LAMC1: variants seen among roughly 807,000 people sequenced by gnomAD.
LAMC1 encodes the protein laminin subunit gamma-1.
LAMC1 carries 38 observed loss-of-function variants against 173.6 expected under a neutral mutation model. The ratio of observed to expected loss-of-function variants is 0.22; its 90% CI spans 0.17 to 0.29. LAMC1 has a LOEUF of 0.29. Among genes scored for constraint, LAMC1 ranks in the 10% least tolerant of loss-of-function variants. The probability of loss-of-function intolerance (pLI) is 1.00; values close to 1 mark genes in which losing one functional copy is unlikely to be tolerated. For synonymous variants in LAMC1, 746 were observed against 749.1 expected (o/e 1.00, Z 0.07); for missense variants, 1,824 against 2,051.8 (o/e 0.89, Z 2.14).
intron 1 of LAMC1, among the ~76,000 whole-genome samples, chr1:183,051,024 C>T (rs1047082144): frequency 7.4e-6 from 1 of 135,286 alleles, no homozygotes; most frequent in African/African-American, 2.5e-5. Flanking sequence ...TACCTTTCCT[C>T]TTCTCCTTTC....
Position 183,117,678 on chromosome 1 carries a change from A to T in LAMC1, c.1832A>T (p.Gln611Leu). The T allele has an allele frequency of 6.8e-6, 11 of 1,614,242 alleles. No individual in the cohort carries two copies. The highest frequency in any genetic ancestry group is 9.3e-6 in the Non-Finnish European group (11 of 1,180,034). The change falls in exon 10 of 28, where the codon CAG becomes CTG. Residue 611 changes from glutamine to leucine, a missense_variant. Gln to Leu is a moderately radical substitution (Grantham distance 113). Transcript: ENST00000258341. ...AGAGTATCTGTACCCTTGATCGCTC[A>T]GGGCAATTCCTATCCAAGTGAGACC... ...GLRVSVPLIA[Q>L]GNSYPSETTV...
At chr1:183,042,122 C>T (rs985494367) in intron 1 of LAMC1, among the ~76,000 whole-genome samples, 2 of 152,084 alleles carry the variant, frequency 1.3e-5, no homozygotes, top group African/African-American at 4.8e-5. Context: ...TTTGTTTCTC[C>T]TTCAGGTGGT....
chr1:183,142,834 G>A lies in LAMC1; in HGVS notation c.*44G>A. The A allele has an allele frequency of 2.6e-6, 4 of 1,560,098 alleles. No homozygotes were observed. The highest frequency in any genetic ancestry group is 3.5e-6 in the Non-Finnish European group (4 of 1,154,326). On this transcript the variant is annotated 3_prime_UTR_variant, in exon 28 of 28. Transcript: ENST00000258341. ...GCAGCATCCCTCTGACAGGGGGGCAGTTGTGAGGCCACAGAGTGCCTTGAC... is the reference window on the plus strand; with the variant it reads ...GCAGCATCCCTCTGACAGGGGGGCAATTGTGAGGCCACAGAGTGCCTTGAC...
Position 183,076,833 on chromosome 1 carries a change from A to G in LAMC1, c.419-26495A>G, listed in dbSNP as rs74425134. Among the ~76,000 whole-genome samples the G allele has an allele frequency of 8.6e-3, 1,309 of 152,062 alleles. 9 individuals are homozygous for G. The highest frequency in any genetic ancestry group is 0.029 in the South Asian group (141 of 4,792). ...GTAGAAAATCACTGGCACTCAAAAC[A>G]TTTGTACACATGCAGAAGAAAAATC... On this transcript the variant is annotated intron_variant, in intron 1 of 27. Transcript: ENST00000258341.
At chr1:183,043,005 G>C (rs548052166) in intron 1 of LAMC1, among the ~76,000 whole-genome samples, 1 of 152,334 alleles carries the variant, frequency 6.6e-6, no homozygotes, top group East Asian at 1.9e-4. Flanking sequence ...TTTTAGGAAT[G>C]AGAGTTCCAG....
chr1:183,103,717 C>T, intron 2 of LAMC1, 85 bp downstream of exon 2: 10 of 1,233,402 alleles, frequency 8.1e-6, no homozygotes, highest in Middle Eastern at 2.6e-4. Context: ...GCTTGTGGTC[C>T]CACTTCTGAG....
chr1:183,145,141 C>A lies in LAMC1; in HGVS notation c.*2351C>A, dbSNP rs1229531463. The A allele has an allele frequency of 1.3e-5, 2 of 152,172 alleles. No homozygotes were observed. Among genetic ancestry groups the A allele is most frequent in the African/African-American group, 4.8e-5 (2 of 41,412 alleles). The allele number at this position is 152,172 out of a possible 1,614,324, so 9.4% of individuals were successfully genotyped here. A position where few individuals can be genotyped will look rare whatever the true frequency, so the allele number is the denominator to read the frequency against. ...AAGTTCACTCCAGCAAGTCTCAGGC[C>A]ACAATGGGGTGGTTTGGTTTGGTTT... is the stretch of plus-strand genomic sequence containing the variant. On this transcript the variant is annotated 3_prime_UTR_variant, in exon 28 of 28. Transcript: ENST00000258341.
At chr1:183,124,192 C>G (rs1384777606) in intron 13 of LAMC1, among the ~76,000 whole-genome samples, 1 of 152,216 alleles carries the variant, frequency 6.6e-6, no homozygotes, top group Admixed American at 6.5e-5. Flanking sequence ...ATGCCTCTTA[C>G]ATTTTAAGAG....
rs760848117 is a variant in LAMC1 at position 183,142,506 on chromosome 1, C to G, written c.4574-28C>G. The G allele has an allele frequency of 5.1e-6, 8 of 1,579,758 alleles. No homozygotes were observed. The African/African-American group carries it at 5.4e-5, about 11-fold the overall frequency. ...ATCATTCTTACTGAATATGTCTGTT[C>G]TCTTCTATGTACTTTCTGACCCTCC... On this transcript the variant is annotated intron_variant, in intron 27 of 27. Transcript: ENST00000258341.
chr1:183,111,097 C>CT (rs71297854), intron 4 of LAMC1, among the ~76,000 whole-genome samples: 53,587 of 144,750 alleles, frequency 0.37, 10,510 homozygotes, highest in Middle Eastern at 0.51. Flanking sequence ...TTTTTCTTTT[C>CT]TTTTTTTTTT....
chr1:183,055,721 A>G (rs1654572778), intron 1 of LAMC1, among the ~76,000 whole-genome samples: 1 of 152,234 alleles, frequency 6.6e-6, no homozygotes, highest in East Asian at 1.9e-4. Context: ...CTGAGGCAGG[A>G]TAATCGCTTG....
At chr1:183,030,630 A>C (rs1216115588) in intron 1 of LAMC1, among the ~76,000 whole-genome samples, 3 of 152,182 alleles carry the variant, frequency 2.0e-5, no homozygotes, top group African/African-American at 4.8e-5. Flanking sequence ...TATTTCTGTA[A>C]ATTTTTTAAA....
chr1:183,099,144 A>G (rs1655768911), intron 1 of LAMC1, among the ~76,000 whole-genome samples: 1 of 151,874 alleles, frequency 6.6e-6, no homozygotes, highest in Non-Finnish European at 1.5e-5. Context: ...GCTGGAGTGC[A>G]ATGTCGCGAT....
intron 1 of LAMC1, among the ~76,000 whole-genome samples, chr1:183,054,421 G>A (rs900348780): frequency 2.0e-5 from 3 of 152,154 alleles, no homozygotes; most frequent in Non-Finnish European, 2.9e-5. Context: ...TCTATACAAC[G>A]TGGCTGTAAC....
intron 11 of LAMC1, among the ~76,000 whole-genome samples, chr1:183,121,184 C>T (rs918350746): frequency 1.3e-5 from 2 of 150,640 alleles, no homozygotes; most frequent in South Asian, 2.1e-4. Context: ...TTTGGGAGGC[C>T]AAGGTGGGCT....
chr1:183,049,848 T>G (rs1363489947), intron 1 of LAMC1, among the ~76,000 whole-genome samples: 1 of 152,186 alleles, frequency 6.6e-6, no homozygotes, highest in African/African-American at 2.4e-5. Context: ...TCATTCTGGA[T>G]TTTCTTCCTT....
At chr1:183,135,701 G>A (rs1432641921) in intron 24 of LAMC1, among the ~76,000 whole-genome samples, 2 of 151,850 alleles carry the variant, frequency 1.3e-5, no homozygotes, top group Non-Finnish European at 2.9e-5. Context: ...GGGGAATATA[G>A]TGAGACCCCA....
intron 1 of LAMC1, among the ~76,000 whole-genome samples, chr1:183,036,363 G>T (rs9699754): frequency 0.33 from 49,474 of 148,128 alleles, 9,368 homozygotes; most frequent in East Asian, 0.49. Context: ...CTCCCAAAGT[G>T]CTGGGATTAC....
intron 1 of LAMC1, among the ~76,000 whole-genome samples, chr1:183,034,492 C>G (rs1426735772): frequency 6.6e-6 from 1 of 152,126 alleles, no homozygotes; most frequent in Non-Finnish European, 1.5e-5. Flanking sequence ...AGGCTTGTCT[C>G]GAACTCCTGA....
Sources: allele counts gnomAD v4.1 joint callset (sites outside exome capture counted in the v4.1 genomes callset), GRCh38; gene constraint gnomAD v4.1.1; transcripts MANE v1.5; gene names NCBI Gene and HGNC (gene_info 2026-07-23, HGNC 2026-07-21).